Variants in RAB6B observed in about 807,000 individuals in gnomAD.
RAB6B encodes ras-related protein Rab-6B.
RAB6B carries 7 observed loss-of-function variants against 31.2 expected under a neutral mutation model. The observed-to-expected ratio is 0.22, with a 90% CI of 0.13 to 0.42. The LOEUF is 0.42. Among genes scored for constraint, RAB6B ranks in the 10% least tolerant of loss-of-function variants. The probability of loss-of-function intolerance (pLI) is 1.00; values close to 1 mark genes in which losing one functional copy is unlikely to be tolerated. For missense variants in RAB6B, 149 were observed against 280.6 expected (o/e 0.53, Z 3.35); for synonymous variants, 105 against 104.9 (o/e 1.00, Z -0.01).
chr3:133,880,752 C>CCCCTGT (rs964171757), intron 1 of RAB6B, among the ~76,000 whole-genome samples: 1 of 152,196 alleles, frequency 6.6e-6, no homozygotes, highest in African/African-American at 2.4e-5. Flanking sequence ...CCTGCCCCTG[C>CCCCTGT]CCCTGCAGAG....
At position 133,826,895 on chromosome 3, in the gene RAB6B, A is replaced by G. The variant is rs1312489337; in HGVS notation, c.*1893T>C. ...TACATTGAGCACATGTATCTCCGTG[A>G]GGATGTGTTTGTGGAAGGTGTATAC... On this transcript the variant is annotated 3_prime_UTR_variant, in exon 8 of 8. Transcript: ENST00000285208. The G allele has an allele frequency of 6.5e-6, 1 of 152,718 alleles. No individual in the cohort carries two copies. Among genetic ancestry groups the G allele is most frequent in the Non-Finnish European group, 1.5e-5 (1 of 68,056 alleles). 9.5% of individuals were successfully genotyped at this position (152,718 alleles called of 1,614,324 possible).
Position 133,828,689 on chromosome 3 carries a change from AT to A in RAB6B, c.*98del. On this transcript the variant is annotated 3_prime_UTR_variant, in exon 8 of 8. Coordinates refer to ENST00000285208, the MANE Select transcript of RAB6B (RefSeq NM_016577.4). ...ACAGAGAGAAAAGAAAAATCCTCCC[AT>A]CTTGATAACTCGGTTCCCTCCCCCC... The A allele has an allele frequency of 1.0e-6, 1 of 993,864 alleles. No homozygotes were observed. The allele number at this position is 993,864 out of a possible 1,614,324, so 61.6% of individuals were successfully genotyped here.
intron 1 of RAB6B, among the ~76,000 whole-genome samples, chr3:133,870,033 G>GA (rs1328436951): frequency 6.6e-6 from 1 of 152,126 alleles, no homozygotes; most frequent in African/African-American, 2.4e-5. Flanking sequence ...CTGTGCTTTA[G>GA]AAAAAAGAAA....
At chr3:133,852,414 C>T in intron 2 of RAB6B, among the ~76,000 whole-genome samples, 1 of 151,830 alleles carries the variant, frequency 6.6e-6, no homozygotes, top group Admixed American at 6.5e-5. Flanking sequence ...CCCTACCTGC[C>T]AAGCCATTAC....
chr3:133,851,008 A>C (rs1310483388), intron 2 of RAB6B, among the ~76,000 whole-genome samples: 3 of 147,704 alleles, frequency 2.0e-5, no homozygotes, highest in South Asian at 2.2e-4. Context: ...GACACAATAA[A>C]AGTGTTCAAG....
intron 2 of RAB6B, among the ~76,000 whole-genome samples, chr3:133,852,490 A>G (rs1209740650): frequency 1.9e-5 from 2 of 107,514 alleles, no homozygotes; most frequent in Admixed American, 9.3e-5. Flanking sequence ...TTTTTTTTTG[A>G]GACAGGGTCT....
intron 1 of RAB6B, among the ~76,000 whole-genome samples, chr3:133,878,384 T>G (rs956636981): frequency 6.6e-6 from 1 of 152,172 alleles, no homozygotes; most frequent in Admixed American, 6.5e-5. Flanking sequence ...TGGTGCAATA[T>G]CTATAAAGTA....
At position 133,848,583 on chromosome 3, in the gene RAB6B, G is replaced by C. The variant is rs551694006; in HGVS notation, c.130-6920C>G. ...AGAACATGGCACTGGTGTCTGGGGA[G>C]GGCCTTTGTGCTGTGTCATCCCATG... is the stretch of plus-strand genomic sequence containing the variant. On this transcript the variant is annotated intron_variant, in intron 2 of 7. Transcript: ENST00000285208. Among the ~76,000 whole-genome samples the C allele has an allele frequency of 6.6e-4, 101 of 152,298 alleles. 1 individual carries two copies. Among genetic ancestry groups the C allele is most frequent in the African/African-American group, 2.3e-3 (97 of 41,546 alleles).
chr3:133,833,431 C>A (rs1173854226), intron 7 of RAB6B, among the ~76,000 whole-genome samples: 1 of 151,948 alleles, frequency 6.6e-6, no homozygotes, highest in Non-Finnish European at 1.5e-5. Context: ...GCCTTCCTGA[C>A]CCCCCCGGGG....
rs1415110561 is a variant in RAB6B, at chr3:133,834,657, A to G, written c.496-16T>C. On this transcript the variant is annotated splice_polypyrimidine_tract_variant and intron_variant, in intron 6 of 7. Coordinates refer to ENST00000285208, the MANE Select transcript of RAB6B (RefSeq NM_016577.4). The stretch of plus-strand genomic sequence containing the variant: ...GTCGAAAAAGCTGGAAAGATGAAGA[A>G]ATGCAGTGTGAACCCCAACCCTGGC... 1 of 1,613,444 alleles carries G rather than the reference A, an allele frequency of 6.2e-7. No individual in the cohort carries two copies. The highest frequency in any genetic ancestry group is 1.7e-5 in the Admixed American group (1 of 60,026).
intron 2 of RAB6B, among the ~76,000 whole-genome samples, chr3:133,850,867 A>G (rs1207312917): frequency 6.6e-6 from 1 of 152,098 alleles, no homozygotes; most frequent in Non-Finnish European, 1.5e-5. Context: ...AACAGAGTCT[A>G]ACTGCTAAAA....
At chr3:133,855,398 A>G (rs1936059922) in intron 2 of RAB6B, among the ~76,000 whole-genome samples, 2 of 152,218 alleles carry the variant, frequency 1.3e-5, no homozygotes, top group African/African-American at 2.4e-5. Flanking sequence ...TTTTCTCCCA[A>G]TGGAGAGTGG....
At chr3:133,887,165 C>G (rs1030370973) in intron 1 of RAB6B, among the ~76,000 whole-genome samples, 2 of 152,196 alleles carry the variant, frequency 1.3e-5, no homozygotes, top group South Asian at 2.1e-4. Context: ...TGCCCCTGGG[C>G]TAGGAGCACC....
chr3:133,881,844 G>A (rs1045848041), intron 1 of RAB6B, among the ~76,000 whole-genome samples: 1 of 152,192 alleles, frequency 6.6e-6, no homozygotes, highest in South Asian at 2.1e-4. Flanking sequence ...GCCATCTCAG[G>A]TGTCACCTTC....
At chr3:133,877,538 G>A (rs1576408167) in intron 1 of RAB6B, among the ~76,000 whole-genome samples, 1 of 151,960 alleles carries the variant, frequency 6.6e-6, no homozygotes, top group Non-Finnish European at 1.5e-5. Flanking sequence ...CAAATCTTAA[G>A]AATATTTATA....
chr3:133,835,712 G>A (rs967953602), intron 6 of RAB6B, among the ~76,000 whole-genome samples: 5 of 152,082 alleles, frequency 3.3e-5, no homozygotes, highest in Admixed American at 2.0e-4. Flanking sequence ...GCTTTAGGAG[G>A]TGCTTAGTCA....
chr3:133,879,607 T>C (rs531738214), intron 1 of RAB6B, among the ~76,000 whole-genome samples: 2 of 152,326 alleles, frequency 1.3e-5, no homozygotes, highest in Admixed American at 6.5e-5. Flanking sequence ...TAGGAACTCT[T>C]TAGTTCCCCA....
intron 6 of RAB6B, among the ~76,000 whole-genome samples, chr3:133,834,930 T>C (rs1310877599): frequency 1.3e-5 from 2 of 152,242 alleles, no homozygotes; most frequent in South Asian, 2.1e-4. Flanking sequence ...GCTTAGGTCA[T>C]GGCAGTGACT....
intron 2 of RAB6B, among the ~76,000 whole-genome samples, chr3:133,852,625 C>T (rs1270663222): frequency 6.6e-6 from 1 of 151,970 alleles, no homozygotes; most frequent in African/African-American, 2.4e-5. Flanking sequence ...AGTGTGCCAC[C>T]ACGCCCAGCT....
Sources: gnomAD v4.1 joint callset for allele counts (sites outside exome capture counted in the v4.1 genomes callset) on GRCh38, gnomAD v4.1.1 for gene constraint, MANE v1.5 for transcripts, NCBI Gene and HGNC (gene_info 2026-07-23, HGNC 2026-07-21) for gene names.